Variants in RABGAP1 observed in about 807,000 individuals in gnomAD.
RABGAP1 encodes the protein RAB GTPase activating protein 1.
RABGAP1 carries 23 observed loss-of-function variants against 137.6 expected under a neutral mutation model. That is an observed-to-expected ratio of 0.17 (90% CI 0.12 to 0.24). The LOEUF (loss-of-function observed/expected upper bound fraction) is 0.24. RABGAP1 is among the 10% of genes least tolerant of loss of function. RABGAP1 has a pLI of 1.00. For missense variants in RABGAP1, 906 were observed against 1,275.8 expected (o/e 0.71, Z 4.42); for synonymous variants, 451 against 450.7 (o/e 1.00, Z -0.01).
chr9:122,958,260 C>T (rs1370751837), intron 2 of RABGAP1, among the ~76,000 whole-genome samples: 1 of 152,202 alleles, frequency 6.6e-6, no homozygotes, highest in Non-Finnish European at 1.5e-5. Context: ...AGGCAGCCCT[C>T]CAGGAGCCTG....
intron 7 of RABGAP1, 48 bp from the exon 8 acceptor site, chr9:122,996,490 CT>C: frequency 6.6e-7 from 1 of 1,521,418 alleles, no homozygotes; most frequent in Non-Finnish European, 9.0e-7. Flanking sequence ...TTTAAACGTT[CT>C]TTTGTGTTAT....
Position 122,996,512 on chromosome 9 carries a change from A to G in RABGAP1, c.1035-27A>G, listed in dbSNP as rs758003082. On this transcript the variant is annotated intron_variant, in intron 7 of 25. Transcript: ENST00000373647. ...GTTCTTTTGTGTTATCTTTTTTCTT[A>G]AATTTATGTCAGTTCTTTTTTTGTA... The G allele has an allele frequency of 8.9e-6, 14 of 1,570,786 alleles. No homozygotes were observed. The African/African-American group carries it at 1.8e-4, about 20-fold the overall frequency.
At chr9:123,023,614 G>A (rs912445733) in intron 13 of RABGAP1, among the ~76,000 whole-genome samples, 4 of 151,684 alleles carry the variant, frequency 2.6e-5, no homozygotes, top group Non-Finnish European at 5.9e-5. Flanking sequence ...ATTGTTTAGA[G>A]TATTCCATTA....
chr9:123,000,326 T>TA (rs1396287346), intron 10 of RABGAP1, among the ~76,000 whole-genome samples: 1 of 152,170 alleles, frequency 6.6e-6, no homozygotes, highest in Non-Finnish European at 1.5e-5. Context: ...GGGTAGCAGC[T>TA]AAAATCTCTG....
Position 123,020,438 on chromosome 9 carries a change from ATACCGCATTCT to A in RABGAP1, c.1776_1786del (p.Arg593HisfsTer15). On this transcript the variant is annotated frameshift_variant, in exon 13 of 26. Transcript: ENST00000373647. LOFTEE classifies it high-confidence loss of function. ...ATAACAATGACCACCTGGTAGAGAA[ATACCGCATTCT>A]TATCACAAAGGTAAGGGGGTGATAA... 1 of 1,600,410 alleles carries A rather than the reference ATACCGCATTCT, an allele frequency of 6.2e-7. No individual in the cohort carries two copies. The highest frequency in any genetic ancestry group is 8.5e-7 in the Non-Finnish European group (1 of 1,172,970).
intron 1 of RABGAP1, among the ~76,000 whole-genome samples, chr9:122,942,680 A>AAAAAAC (rs1320958813): frequency 1.3e-5 from 2 of 151,088 alleles, no homozygotes; most frequent in East Asian, 1.9e-4. Context: ...AAAAAAAAAA[A>AAAAAAC]AAAAAAAACA....
chr9:123,005,401 C>A (rs2030150988), intron 10 of RABGAP1, among the ~76,000 whole-genome samples: 1 of 151,964 alleles, frequency 6.6e-6, no homozygotes, highest in Non-Finnish European at 1.5e-5. Flanking sequence ...CCCCCATACC[C>A]ATAGATAACA....
chr9:122,969,443 T>G, intron 2 of RABGAP1, among the ~76,000 whole-genome samples: 1 of 152,248 alleles, frequency 6.6e-6, no homozygotes, highest in Non-Finnish European at 1.5e-5. Flanking sequence ...TCTGTGTGTT[T>G]TAATTTCAGT....
chr9:122,972,820 T>C (rs1349060254), intron 2 of RABGAP1, among the ~76,000 whole-genome samples: 4 of 151,986 alleles, frequency 2.6e-5, no homozygotes, highest in Non-Finnish European at 4.4e-5. Context: ...AAAAGTATTA[T>C]GTGATGGTGT....
chr9:123,042,184 G>A (rs2032985594), intron 13 of RABGAP1, among the ~76,000 whole-genome samples: 1 of 152,200 alleles, frequency 6.6e-6, no homozygotes. Context: ...TATGAGAGGA[G>A]TGTATTCTCG....
intron 1 of RABGAP1, among the ~76,000 whole-genome samples, chr9:122,943,532 A>G (rs1719244289): frequency 6.6e-6 from 1 of 152,184 alleles, no homozygotes; most frequent in Non-Finnish European, 1.5e-5. Context: ...ATGTAGTGGG[A>G]ACAGAGACAC....
intron 9 of RABGAP1, 75 bp from the exon 10 acceptor site, chr9:122,998,522 C>T: frequency 8.2e-7 from 1 of 1,218,274 alleles, no homozygotes; most frequent in South Asian, 1.9e-5. Flanking sequence ...AAAGTAATAG[C>T]TTTTATGGAA....
chr9:122,979,305 C>T (rs1835931555), intron 2 of RABGAP1, among the ~76,000 whole-genome samples: 1 of 152,126 alleles, frequency 6.6e-6, no homozygotes, highest in Admixed American at 6.5e-5. Flanking sequence ...ATCTGTGTAT[C>T]TTTGGTGAAA....
intron 13 of RABGAP1, among the ~76,000 whole-genome samples, chr9:123,030,662 A>G (rs1041052548): frequency 6.6e-6 from 1 of 152,156 alleles, no homozygotes; most frequent in African/African-American, 2.4e-5. Context: ...CATCTCTAAC[A>G]TTTATCAACA....
chr9:123,038,216 T>C (rs1423765822), intron 13 of RABGAP1, among the ~76,000 whole-genome samples: 2 of 152,206 alleles, frequency 1.3e-5, no homozygotes, highest in Admixed American at 6.5e-5. Flanking sequence ...TGCGTTTTTT[T>C]CACGGGCCTA....
chr9:122,977,004 C>T (rs1835796099), intron 2 of RABGAP1, among the ~76,000 whole-genome samples: 1 of 152,102 alleles, frequency 6.6e-6, no homozygotes, highest in African/African-American at 2.4e-5. Context: ...GAGTAGTTTG[C>T]TGTGACTAAG....
At chr9:123,102,669 G>A (rs2035377865) in intron 25 of RABGAP1, among the ~76,000 whole-genome samples, 1 of 152,152 alleles carries the variant, frequency 6.6e-6, no homozygotes, top group African/African-American at 2.4e-5. Flanking sequence ...GGACCCTCAG[G>A]AGTTCTTTCC....
Position 122,974,000 on chromosome 9 carries a change from C to A in RABGAP1, c.151-10485C>A, listed in dbSNP as rs532907514. 3.7e-4 allele frequency among the ~76,000 whole-genome samples: 55 copies of A among 147,106 alleles called. 1 individual carries two copies. Among genetic ancestry groups the A allele is most frequent in the Non-Finnish European group, 7.6e-4 (50 of 65,944 alleles). On this transcript the variant is annotated intron_variant, in intron 2 of 25. Transcript: ENST00000373647. ...CCAGCCTGGGCGACGAGCGAAACTT[C>A]GTCTCAAACCAAAAAAAAAAAAGAA...
At position 123,073,669 on chromosome 9, in the gene RABGAP1, C is replaced by T. The variant is rs1221468623; in HGVS notation, c.2101C>T (p.Leu701Phe). 3.7e-6 allele frequency: 6 copies of T among 1,613,636 alleles called. No individual in the cohort carries two copies. Among genetic ancestry groups the T allele is most frequent in the African/African-American group, 1.3e-5 (1 of 74,888 alleles). The change falls in exon 16 of 26, where the codon CTC (leucine) becomes TTC (phenylalanine). Residue 701 changes from leucine (L) to phenylalanine (F), a missense_variant. Physicochemically the swap from Leu to Phe is conservative, Grantham distance 22. Coordinates refer to ENST00000373647, the MANE Select transcript of RABGAP1 (RefSeq NM_012197.4). ...TTGCAAATTTTACCAGTTGGAGCGC[C>T]TCATGCAGGTAAAAAGAGAAACCAG... is the stretch of plus-strand genomic sequence containing the variant. The part of the protein sequence containing the change: ...LHCKFYQLER[L>F]MQEYIPDLYN...
Sources: allele counts gnomAD v4.1 joint callset (sites outside exome capture counted in the v4.1 genomes callset), GRCh38; gene constraint gnomAD v4.1.1; transcripts MANE v1.5; gene names NCBI Gene and HGNC (gene_info 2026-07-23, HGNC 2026-07-21).